The following SYN3 variants were observed in gnomAD, a reference collection of about 807,000 sequenced individuals.
The protein encoded by SYN3 is synapsin III, also known as synapsin-3.
Under a neutral mutation model 65.8 loss-of-function variants are expected in SYN3, and 35 were observed. That is an observed-to-expected ratio of 0.53 (90% CI 0.41 to 0.70). SYN3 has a LOEUF of 0.70. Among genes scored for constraint, SYN3 ranks in the 30% least tolerant of loss-of-function variants. SYN3 has a pLI of 0.00. For synonymous variants in SYN3, 270 were observed against 292.9 expected (o/e 0.92, Z 0.80); for missense variants, 680 against 749.0 (o/e 0.91, Z 1.08).
intron 6 of SYN3, among the ~76,000 whole-genome samples, chr22:32,645,044 C>T (rs1006084712): frequency 6.6e-5 from 10 of 152,002 alleles, no homozygotes; most frequent in Non-Finnish European, 8.8e-5. Flanking sequence ...TTCCCAGGTC[C>T]GAGAGAAAAC....
rs955250039 is a variant in SYN3, at chr22:32,739,176, G to T, written c.711+125739C>A. ...CTGGTGGGAGATAATTGAATCACAGGGGGGGGGCGGTTTCCCCCATACTGT... is the reference window on the plus strand; with the variant it reads ...CTGGTGGGAGATAATTGAATCACAGTGGGGGGGCGGTTTCCCCCATACTGT... On this transcript the variant is annotated intron_variant, in intron 6 of 13. Coordinates refer to ENST00000358763, the MANE Select transcript of SYN3 (RefSeq NM_003490.4). Among the ~76,000 whole-genome samples the T allele has an allele frequency of 1.3e-4, 18 of 137,098 alleles. 1 individual carries two copies. Among genetic ancestry groups the T allele is most frequent in the South Asian group, 4.7e-4 (2 of 4,284 alleles). The allele number at this position is 137,098 out of a possible 152,430, so 89.9% of individuals were successfully genotyped here.
chr22:32,706,628 G>A (rs926149691), intron 6 of SYN3, among the ~76,000 whole-genome samples: 9 of 152,136 alleles, frequency 5.9e-5, no homozygotes, highest in South Asian at 2.1e-4. Context: ...GCAAAGAGAC[G>A]GGGCAGCTGA....
chr22:32,777,790 T>C (rs551737410), intron 6 of SYN3, among the ~76,000 whole-genome samples: 2 of 152,342 alleles, frequency 1.3e-5, no homozygotes, highest in South Asian at 4.1e-4. Context: ...TTTCTTTGAA[T>C]TAACTCTTTT....
chr22:32,887,214 C>A (rs1475577822), intron 4 of SYN3, among the ~76,000 whole-genome samples: 2 of 151,848 alleles, frequency 1.3e-5, no homozygotes, highest in South Asian at 2.1e-4. Flanking sequence ...TCATCTCTAC[C>A]AAAAATAAAC....
At chr22:32,884,135 G>A (rs1304317973) in intron 4 of SYN3, among the ~76,000 whole-genome samples, 1 of 152,200 alleles carries the variant, frequency 6.6e-6, no homozygotes, top group African/African-American at 2.4e-5. Flanking sequence ...GGCCGAACCT[G>A]GGAAACGTTT....
rs188561109 is a variant in SYN3 at position 32,529,774 on chromosome 22, G to A, written c.1096-766C>T. On this transcript the variant is annotated intron_variant, in intron 10 of 13. Coordinates refer to ENST00000358763, the MANE Select transcript of SYN3 (RefSeq NM_003490.4). Reference sequence around the variant, plus strand: ...GCGCATCTGCGGAACAGCTGGCCGCGTCACCCTCTCTGCTCCACTGCAGGA... The same window carrying A: ...GCGCATCTGCGGAACAGCTGGCCGCATCACCCTCTCTGCTCCACTGCAGGA... Among the ~76,000 whole-genome samples the A allele has an allele frequency of 7.7e-4, 118 of 152,288 alleles. 1 individual carries two copies. The highest frequency in any genetic ancestry group is 4.1e-4 in the Non-Finnish European group (28 of 68,022).
intron 4 of SYN3, among the ~76,000 whole-genome samples, chr22:32,875,156 G>C (rs2048950251): frequency 6.6e-6 from 1 of 152,232 alleles, no homozygotes; most frequent in Non-Finnish European, 1.5e-5. Flanking sequence ...CCAAGAATCT[G>C]GTGAGGAGCA....
intron 6 of SYN3, among the ~76,000 whole-genome samples, chr22:32,790,270 C>A (rs1293595457): frequency 6.6e-6 from 1 of 151,940 alleles, no homozygotes; most frequent in East Asian, 1.9e-4. Context: ...AATATTTCCA[C>A]CATACAGAAA....
intron 6 of SYN3, among the ~76,000 whole-genome samples, chr22:32,719,679 C>CA (rs954280435): frequency 4.6e-5 from 7 of 151,806 alleles, no homozygotes; most frequent in African/African-American, 7.2e-5. Context: ...ACCATCTCTC[C>CA]AAAAAAACAA....
intron 6 of SYN3, among the ~76,000 whole-genome samples, chr22:32,847,292 T>C (rs2048094002): frequency 6.6e-6 from 1 of 152,200 alleles, no homozygotes; most frequent in Admixed American, 6.5e-5. Context: ...CCGAGAATAC[T>C]ACCGCAATGT....
At chr22:32,939,379 T>C (rs930896062) in intron 3 of SYN3, among the ~76,000 whole-genome samples, 6 of 152,010 alleles carry the variant, frequency 3.9e-5, no homozygotes, top group African/African-American at 7.3e-5. Flanking sequence ...AAAGGAAATA[T>C]AGATAAAATA....
chr22:32,873,062 TG>T (rs2048893060), intron 4 of SYN3, among the ~76,000 whole-genome samples: 1 of 151,828 alleles, frequency 6.6e-6, no homozygotes. Context: ...GCAGTTCTCC[TG>T]TCTCAGCCTC....
chr22:32,809,684 C>T (rs2046859927), intron 6 of SYN3, among the ~76,000 whole-genome samples: 1 of 152,184 alleles, frequency 6.6e-6, no homozygotes, highest in Non-Finnish European at 1.5e-5. Flanking sequence ...ATTATTCTGA[C>T]ACAATCAGCT....
intron 6 of SYN3, among the ~76,000 whole-genome samples, chr22:32,669,216 T>C (rs58485846): frequency 1.3e-5 from 2 of 152,216 alleles, no homozygotes; most frequent in Non-Finnish European, 2.9e-5. Flanking sequence ...AAAATTATGC[T>C]GAATGCTCTG....
intron 7 of SYN3, among the ~76,000 whole-genome samples, chr22:32,567,327 T>TA (rs2058685066): frequency 2.6e-5 from 3 of 114,582 alleles, no homozygotes; most frequent in Admixed American, 9.3e-5. Flanking sequence ...AGATCCTCCC[T>TA]CCCTCCCTCC....
At chr22:32,959,229 G>A (rs929691514) in intron 3 of SYN3, among the ~76,000 whole-genome samples, 1 of 151,924 alleles carries the variant, frequency 6.6e-6, no homozygotes, top group African/African-American at 2.4e-5. Context: ...TGCATCTTCT[G>A]CATTCTGTCT....
At chr22:33,036,247 C>T (rs1382952006) in intron 1 of SYN3, among the ~76,000 whole-genome samples, 2 of 152,200 alleles carry the variant, frequency 1.3e-5, no homozygotes. Context: ...TGCCCTGAAG[C>T]TGCCTTCATA....
chr22:32,721,649 C>T (rs2061120113), intron 6 of SYN3, among the ~76,000 whole-genome samples: 1 of 152,168 alleles, frequency 6.6e-6, no homozygotes, highest in Non-Finnish European at 1.5e-5. Context: ...TGCCAGATTC[C>T]CCCCAGCTCC....
At position 32,562,840 on chromosome 22, in the gene SYN3, T is replaced by C. The variant is rs560130334; in HGVS notation, c.775-21127A>G. ...TGATTGGCCCAGGGTCCTTCCTTTC[T>C]GTTGTTGGGGGGCATCAGCCCAGGC... On this transcript the variant is annotated intron_variant, in intron 7 of 13. Coordinates refer to ENST00000358763, the MANE Select transcript of SYN3 (RefSeq NM_003490.4). Among the ~76,000 whole-genome samples, 13 of 152,340 alleles carry C rather than the reference T, an allele frequency of 8.5e-5. No individual in the cohort carries two copies. In the East Asian group the frequency reaches 1.9e-3, roughly 23 times the overall value.
Sources: gnomAD v4.1 joint callset for allele counts (sites outside exome capture counted in the v4.1 genomes callset) on GRCh38, gnomAD v4.1.1 for gene constraint, MANE v1.5 for transcripts, NCBI Gene and HGNC (gene_info 2026-07-23, HGNC 2026-07-21) for gene names.